HIVEP3: variants seen among roughly 807,000 people sequenced by gnomAD.
HIVEP3 encodes the protein transcription factor HIVEP3.
In HIVEP3, 49 loss-of-function variants were observed where a neutral mutation model predicts 152.8. The observed-to-expected ratio is 0.32, with a 90% CI of 0.26 to 0.41. HIVEP3 has a LOEUF of 0.41. Among genes scored for constraint, HIVEP3 ranks in the 10% least tolerant of loss-of-function variants. The pLI is 1.00. For missense variants in HIVEP3, 2,790 were observed against 3,103.3 expected, an observed-to-expected ratio of 0.90 and a Z score of 2.40; for synonymous variants, 1,269 against 1,289.0, an observed-to-expected ratio of 0.98 and a Z score of 0.33.
intron 1 of HIVEP3, among the ~76,000 whole-genome samples, chr1:41,813,296 ACAGCCTCCAC>A (rs1651076060): frequency 6.6e-6 from 1 of 152,146 alleles, no homozygotes; most frequent in Non-Finnish European, 1.5e-5. Flanking sequence ...CATTTGGCCC[ACAGCCTCCAC>A]CAGCAGGAGC....
intron 1 of HIVEP3, among the ~76,000 whole-genome samples, chr1:41,803,787 A>G (rs349454): frequency 0.091 from 13,854 of 152,244 alleles, 1,776 homozygotes; most frequent in African/African-American, 0.28. Flanking sequence ...TATGTCACAC[A>G]AACTCCCCTT....
At chr1:41,570,724 G>A (rs1644240067) in intron 5 of HIVEP3, among the ~76,000 whole-genome samples, 1 of 152,208 alleles carries the variant, frequency 6.6e-6, no homozygotes, top group African/African-American at 2.4e-5. Flanking sequence ...GATGGCTCAG[G>A]AAAGAATAGA....
At chr1:41,669,729 A>C (rs1645846338) in intron 2 of HIVEP3, among the ~76,000 whole-genome samples, 1 of 152,212 alleles carries the variant, frequency 6.6e-6, no homozygotes, top group Non-Finnish European at 1.5e-5. Context: ...TCAGGCCTTC[A>C]GACTCAGACT....
At chr1:41,530,231 C>T (rs1412458034) in intron 5 of HIVEP3, among the ~76,000 whole-genome samples, 2 of 152,236 alleles carry the variant, frequency 1.3e-5, no homozygotes. Flanking sequence ...CACCTTTCCA[C>T]GGGATCCAGG....
chr1:41,769,410 C>T lies in HIVEP3; in HGVS notation c.-800-68415G>A, dbSNP rs551978949. ...TGTGTCCAGAAGAGCTGGCTGTTCT[C>T]TGCCCTTTGGAAGAAATCTAGGGCA... On this transcript the variant is annotated intron_variant, in intron 1 of 8. Coordinates refer to ENST00000372583, the MANE Select transcript of HIVEP3 (RefSeq NM_024503.5). Among the ~76,000 whole-genome samples the T allele has an allele frequency of 7.9e-5, 12 of 152,310 alleles. No individual in the cohort carries two copies. In the South Asian group the frequency reaches 2.5e-3, roughly 32 times the overall value.
intron 1 of HIVEP3, among the ~76,000 whole-genome samples, chr1:41,856,758 C>T (rs1352836874): frequency 6.6e-6 from 1 of 152,120 alleles, no homozygotes; most frequent in Non-Finnish European, 1.5e-5. Context: ...AACTCCCTCT[C>T]CTTGCTTTGT....
intron 7 of HIVEP3, among the ~76,000 whole-genome samples, chr1:41,514,929 A>G (rs991078282): frequency 1.8e-4 from 27 of 152,168 alleles, no homozygotes; most frequent in African/African-American, 6.3e-4. Flanking sequence ...CTCTGGGATG[A>G]CCCCAACCAG....
chr1:41,743,212 C>G (rs1647022506), intron 1 of HIVEP3, among the ~76,000 whole-genome samples: 1 of 152,080 alleles, frequency 6.6e-6, no homozygotes, highest in South Asian at 2.1e-4. Context: ...ACAGCCTGCA[C>G]AACAAAAAAC....
At chr1:41,923,074 C>T (rs1644949783), upstream of HIVEP3, among the ~76,000 whole-genome samples, 1 of 152,104 alleles carries the variant, frequency 6.6e-6, no homozygotes, top group Admixed American at 6.5e-5. Context: ...TTTAATGCTA[C>T]AGTAAACAAA....
At chr1:41,576,315 GC>G (rs1394155719) in intron 4 of HIVEP3, among the ~76,000 whole-genome samples, 2 of 152,190 alleles carry the variant, frequency 1.3e-5, no homozygotes, top group African/African-American at 4.8e-5. Context: ...GCACAGAGAG[GC>G]TGTGCAGGCT....
chr1:42,026,193 A>G (rs1175045783), intron 1 of HIVEP3, among the ~76,000 whole-genome samples: 1 of 152,150 alleles, frequency 6.6e-6, no homozygotes, highest in Non-Finnish European at 1.5e-5. Context: ...GGTAGAGAGA[A>G]CTAGTTTTAT....
chr1:41,527,578 A>C (rs115584220), intron 5 of HIVEP3, among the ~76,000 whole-genome samples: 2,463 of 116,930 alleles, frequency 0.021, 38 homozygotes, highest in Middle Eastern at 0.05. Context: ...CACACTCCAC[A>C]CTCAAGCACT....
intron 2 of HIVEP3, among the ~76,000 whole-genome samples, chr1:41,666,948 T>C (rs1280905250): frequency 6.6e-6 from 1 of 152,196 alleles, no homozygotes; most frequent in African/African-American, 2.4e-5. Context: ...AAGCACATTT[T>C]GCACATGCAG....
chr1:41,841,171 C>T (rs1643279110), intron 1 of HIVEP3, among the ~76,000 whole-genome samples: 1 of 152,116 alleles, frequency 6.6e-6, no homozygotes. Flanking sequence ...CATCCCAGTG[C>T]CCCCAGCACA....
chr1:41,767,870 A>C (rs1034655811), intron 1 of HIVEP3, among the ~76,000 whole-genome samples: 3 of 152,232 alleles, frequency 2.0e-5, no homozygotes, highest in African/African-American at 7.2e-5. Flanking sequence ...TCAGGAAATG[A>C]ACAAGAAGCC....
At chr1:41,831,489 C>T (rs539574008) in intron 1 of HIVEP3, among the ~76,000 whole-genome samples, 8 of 152,318 alleles carry the variant, frequency 5.3e-5, no homozygotes, top group South Asian at 2.1e-4. Context: ...TATGCTGAAA[C>T]GGAGCTTCCC....
chr1:41,983,194 A>G (rs1272108829), intron 1 of HIVEP3, among the ~76,000 whole-genome samples: 1 of 152,248 alleles, frequency 6.6e-6, no homozygotes, highest in African/African-American at 2.4e-5. Context: ...CCACAGACCA[A>G]TAGCAGACCC....
Position 41,722,429 on chromosome 1 carries a change from C to CTTCCTTCA in HIVEP3, c.-800-21435_-800-21434insTGAAGGAA, listed in dbSNP as rs1553253041. 1.4e-3 allele frequency among the ~76,000 whole-genome samples: 209 copies of CTTCCTTCA among 147,330 alleles called. 2 individuals are homozygous for CTTCCTTCA. In the East Asian group the frequency reaches 0.017, roughly 12 times the overall value. ...CCTTCCTTCCTTCCTTCCTTCCTTC[C>CTTCCTTCA]TTCCTTCCTTCCTTCCTTCTTTCCT... On this transcript the variant is annotated intron_variant, in intron 1 of 8. Coordinates refer to ENST00000372583, the MANE Select transcript of HIVEP3 (RefSeq NM_024503.5).
chr1:41,631,695 G>T (rs1645197277), intron 2 of HIVEP3, among the ~76,000 whole-genome samples: 1 of 152,046 alleles, frequency 6.6e-6, no homozygotes, highest in Non-Finnish European at 1.5e-5. Flanking sequence ...GGAGAGGCTT[G>T]CTCTGTGGCT....
Sources: gnomAD v4.1 joint callset for allele counts (sites outside exome capture counted in the v4.1 genomes callset) on GRCh38, gnomAD v4.1.1 for gene constraint, MANE v1.5 for transcripts, NCBI Gene and HGNC (gene_info 2026-07-23, HGNC 2026-07-21) for gene names.